SUPT3H: variants seen among roughly 807,000 people sequenced by gnomAD.
SUPT3H encodes the protein SPT3 homolog, SAGA and STAGA complex component.
Under a neutral mutation model 44.3 loss-of-function variants are expected in SUPT3H, and 44 were observed. The observed-to-expected ratio is 0.99, with a 90% confidence interval of 0.78 to 1.28. The LOEUF (loss-of-function observed/expected upper bound fraction) is 1.28, where lower values mean the gene tolerates loss of function less well. Ranked by LOEUF, SUPT3H falls within the 50% of genes most tolerant of loss-of-function variation. SUPT3H has a pLI of 0.00. For missense variants in SUPT3H, 380 were observed against 387.1 expected (o/e 0.98, Z 0.15); for synonymous variants, 124 against 125.6 (o/e 0.99, Z 0.09).
chr6:45,338,091 C>A (rs1788969452), intron 2 of SUPT3H, among the ~76,000 whole-genome samples: 1 of 151,942 alleles, frequency 6.6e-6, no homozygotes, highest in South Asian at 2.1e-4. Context: ...AGTTTTCATC[C>A]TCAGAGTTTA....
chr6:44,901,199 A>G (rs1764981401), intron 10 of SUPT3H, among the ~76,000 whole-genome samples: 2 of 152,218 alleles, frequency 1.3e-5, no homozygotes, highest in Admixed American at 6.5e-5. Context: ...TTGAGAGAAG[A>G]AGGCTTCAGA....
chr6:45,075,029 A>G (rs189775394), intron 3 of SUPT3H, among the ~76,000 whole-genome samples: 8 of 152,182 alleles, frequency 5.3e-5, no homozygotes, highest in Admixed American at 2.0e-4. Context: ...CTGTGACTGA[A>G]GTAGACCATT....
chr6:45,302,862 T>C (rs1484477670), intron 2 of SUPT3H, among the ~76,000 whole-genome samples: 1 of 152,170 alleles, frequency 6.6e-6, no homozygotes, highest in East Asian at 1.9e-4. Flanking sequence ...TAATTTTTTA[T>C]TTTTTGATTA....
intron 2 of SUPT3H, chr6:45,197,796 T>C (rs564884755): frequency 5.8e-6 from 1 of 173,902 alleles, no homozygotes; most frequent in African/African-American, 2.4e-5. Flanking sequence ...TTTGACTTTG[T>C]TAGATAATTG....
chr6:45,213,995 C>G (rs1299255691), intron 2 of SUPT3H, among the ~76,000 whole-genome samples: 1 of 92,738 alleles, frequency 1.1e-5, no homozygotes, highest in Non-Finnish European at 2.1e-5. Flanking sequence ...CACTCGAAAG[C>G]CTTTTGAGAT....
At chr6:45,286,720 G>C (rs534377086) in intron 2 of SUPT3H, among the ~76,000 whole-genome samples, 1 of 152,304 alleles carries the variant, frequency 6.6e-6, no homozygotes, top group South Asian at 2.1e-4. Flanking sequence ...AATACCATTT[G>C]ACCCAGCCAT....
intron 2 of SUPT3H, among the ~76,000 whole-genome samples, chr6:45,190,226 A>C (rs546946440): frequency 1.3e-5 from 2 of 152,302 alleles, no homozygotes; most frequent in Admixed American, 6.5e-5. Context: ...CTAAGAAATA[A>C]AAATGTTATG....
At chr6:44,912,967 T>C (rs1767288369) in intron 10 of SUPT3H, among the ~76,000 whole-genome samples, 1 of 152,166 alleles carries the variant, frequency 6.6e-6, no homozygotes, top group African/African-American at 2.4e-5. Context: ...GATTGGAAAA[T>C]GCCTTCTTCC....
chr6:44,923,979 A>T (rs1377523898), intron 10 of SUPT3H, among the ~76,000 whole-genome samples: 1 of 152,148 alleles, frequency 6.6e-6, no homozygotes, highest in African/African-American at 2.4e-5. Flanking sequence ...CTCAAACTTC[A>T]ATAAATATTT....
chr6:45,258,700 T>A (rs963658190), intron 2 of SUPT3H, among the ~76,000 whole-genome samples: 1 of 152,170 alleles, frequency 6.6e-6, no homozygotes. Flanking sequence ...TTGAAATCTG[T>A]CTATGGAAAA....
chr6:45,325,623 T>C (rs914648179), intron 2 of SUPT3H, among the ~76,000 whole-genome samples: 2 of 148,770 alleles, frequency 1.3e-5, no homozygotes, highest in Non-Finnish European at 3.0e-5. Context: ...GAGGATAAAA[T>C]TTTATGGGTC....
intron 2 of SUPT3H, among the ~76,000 whole-genome samples, chr6:45,143,767 T>G (rs912718089): frequency 8.6e-5 from 13 of 151,972 alleles, no homozygotes; most frequent in Non-Finnish European, 1.8e-4. Flanking sequence ...AGCTGGTTCT[T>G]TGAAAAGATA....
At chr6:45,200,931 T>A (rs2153625831) in intron 2 of SUPT3H, among the ~76,000 whole-genome samples, 1 of 151,606 alleles carries the variant, frequency 6.6e-6, no homozygotes, top group South Asian at 2.1e-4. Flanking sequence ...AATCAAAGTT[T>A]CTCTCTTGTC....
intron 2 of SUPT3H, among the ~76,000 whole-genome samples, chr6:45,282,268 T>C (rs554968992): frequency 6.6e-6 from 1 of 151,706 alleles, no homozygotes; most frequent in South Asian, 2.1e-4. Flanking sequence ...GAGAAGAAGG[T>C]TTCAGACAAT....
At chr6:44,999,047 A>C (rs886263490) in intron 6 of SUPT3H, among the ~76,000 whole-genome samples, 6 of 151,850 alleles carry the variant, frequency 4.0e-5, no homozygotes, top group Admixed American at 3.3e-4. Flanking sequence ...TTTAATTTTC[A>C]ATCAGTCAAG....
intron 2 of SUPT3H, among the ~76,000 whole-genome samples, chr6:45,156,248 A>T (rs1475994590): frequency 2.0e-5 from 3 of 152,170 alleles, no homozygotes; most frequent in Non-Finnish European, 2.9e-5. Context: ...AAAGAAACCC[A>T]CATCCTAAGC....
At chr6:45,003,976 T>A (rs933931169) in intron 5 of SUPT3H, among the ~76,000 whole-genome samples, 184 bp from the exon 6 acceptor site, 2 of 152,172 alleles carry the variant, frequency 1.3e-5, no homozygotes, top group African/African-American at 4.8e-5. Flanking sequence ...TAATTTTTCA[T>A]GTCACAAATT....
chr6:45,224,460 T>C (rs1237325688), intron 2 of SUPT3H, among the ~76,000 whole-genome samples: 2 of 152,154 alleles, frequency 1.3e-5, no homozygotes, highest in African/African-American at 4.8e-5. Context: ...TTAGTATCAA[T>C]ACATCTTCAA....
At chr6:45,282,681 A>T (rs1200855386) in intron 2 of SUPT3H, among the ~76,000 whole-genome samples, 1 of 152,234 alleles carries the variant, frequency 6.6e-6, no homozygotes, top group Non-Finnish European at 1.5e-5. Context: ...ATCCAGAAGA[A>T]CTTCCCCAAT....
Sources: allele counts gnomAD v4.1 joint callset (sites outside exome capture counted in the v4.1 genomes callset), GRCh38; gene constraint gnomAD v4.1.1; transcripts MANE v1.5; gene names NCBI Gene and HGNC (gene_info 2026-07-23, HGNC 2026-07-21).